Variants in EFEMP1 observed in about 807,000 individuals in gnomAD.
EFEMP1 encodes the protein EGF-containing fibulin-like extracellular matrix protein 1.
EFEMP1 carries 18 observed loss-of-function variants against 65.7 expected under a neutral mutation model. That is an observed-to-expected ratio of 0.27 (90% confidence interval 0.19 to 0.41). The LOEUF (loss-of-function observed/expected upper bound fraction) is 0.41. Ranked by LOEUF, EFEMP1 falls within the 10% of genes least tolerant of loss-of-function variation. The pLI is 1.00. For synonymous variants in EFEMP1, 237 were observed against 219.7 expected (o/e 1.08, Z -0.70); for missense variants, 469 against 624.8 (o/e 0.75, Z 2.66).
Position 55,873,401 on chromosome 2 carries a change from G to C in EFEMP1, c.1000+1545C>G, listed in dbSNP as rs533199719. Among the ~76,000 whole-genome samples the C allele has an allele frequency of 9.1e-4, 139 of 152,100 alleles. No individual in the cohort carries two copies. Among genetic ancestry groups the C allele is most frequent in the African/African-American group, 3.2e-3 (133 of 41,532 alleles). ...GCATTTTCCACCTTTAATTACAATA[G>C]ATATAAATGTTTCCACATAGATAGG... On this transcript the variant is annotated intron_variant, in intron 9 of 11. Coordinates refer to ENST00000355426, the MANE Select transcript of EFEMP1 (RefSeq NM_001039348.3). This position sits in a 1 kb window ranked among gnomAD's most constrained non-coding sequence, Gnocchi z 4.6.
chr2:55,918,294 C>A, intron 3 of EFEMP1, 27 bp from the exon 4 acceptor site: 1 of 1,613,886 alleles, frequency 6.2e-7, no homozygotes, highest in Non-Finnish European at 8.5e-7. Flanking sequence ...AAAGGTGGGG[C>A]CAGGAGACAG....
intron 5 of EFEMP1, among the ~76,000 whole-genome samples, chr2:55,882,127 T>C (rs937902717): frequency 2.6e-5 from 4 of 152,332 alleles, no homozygotes; most frequent in African/African-American, 9.6e-5. Flanking sequence ...TTAGAACATA[T>C]GGTATTGTTT....
At chr2:55,876,285 G>A (rs1669032901) in intron 8 of EFEMP1, among the ~76,000 whole-genome samples, 1 of 152,106 alleles carries the variant, frequency 6.6e-6, no homozygotes, top group East Asian at 1.9e-4. Flanking sequence ...GACTCAGGAG[G>A]TCTGGGTTGC....
intron 5 of EFEMP1, among the ~76,000 whole-genome samples, chr2:55,912,103 G>A (rs545682985): frequency 2.0e-5 from 3 of 151,938 alleles, no homozygotes; most frequent in Non-Finnish European, 2.9e-5. Context: ...AAACAATGAA[G>A]AACTGTAAGG....
chr2:55,877,726 C>T lies in EFEMP1; in HGVS notation c.760+20G>A, dbSNP rs1173002860. ...TTCCTTTTGTGAAGACAGAAATCAG[C>T]AAGTTCTCAAAAGGCTTACCTACGC... is the stretch of plus-strand genomic sequence containing the variant. On this transcript the variant is annotated intron_variant, in intron 7 of 11. Coordinates refer to ENST00000355426, the MANE Select transcript of EFEMP1 (RefSeq NM_001039348.3). The surrounding 1 kb of genome is among the most constrained non-coding windows in gnomAD (Gnocchi z 4.5). The T allele has an allele frequency of 6.2e-7, 1 of 1,612,520 alleles. No homozygotes were observed. The highest frequency in any genetic ancestry group is 2.2e-5 in the East Asian group (1 of 44,836).
chr2:55,903,854 C>T (rs935475837), intron 5 of EFEMP1, among the ~76,000 whole-genome samples: 26 of 152,062 alleles, frequency 1.7e-4, no homozygotes, highest in African/African-American at 5.8e-4. Flanking sequence ...TTATGAGATA[C>T]TTTAGGAGAA....
Position 55,917,641 on chromosome 2 carries a change from G to T in EFEMP1, c.517+24C>A, listed in dbSNP as rs920558446. ...TGCACTTGGGCAAAAGCTTTCAATG[G>T]TTAGGAAAATAAGTTATTCCTACCT... On this transcript the variant is annotated intron_variant, in intron 5 of 11. Coordinates refer to ENST00000355426, the MANE Select transcript of EFEMP1 (RefSeq NM_001039348.3). The surrounding 1 kb of genome is among the most constrained non-coding windows in gnomAD (Gnocchi z 6.3). The T allele has an allele frequency of 1.2e-5, 19 of 1,614,008 alleles. No individual in the cohort carries two copies. The highest frequency in any genetic ancestry group is 1.7e-4 in the Middle Eastern group (1 of 6,058).
At chr2:55,916,217 C>T (rs1202772510) in intron 5 of EFEMP1, among the ~76,000 whole-genome samples, 1 of 150,074 alleles carries the variant, frequency 6.7e-6, no homozygotes, top group Non-Finnish European at 1.5e-5. Flanking sequence ...TCAAGCAATT[C>T]TCCTGCTTCA....
intron 8 of EFEMP1, among the ~76,000 whole-genome samples, chr2:55,875,962 G>A (rs187846005): frequency 1.7e-4 from 26 of 152,094 alleles, no homozygotes; most frequent in African/African-American, 6.0e-4. Flanking sequence ...TGAGTGAACC[G>A]TGAGGAGGTC....
chr2:55,915,553 T>A (rs1186747335), intron 5 of EFEMP1, among the ~76,000 whole-genome samples: 1 of 152,322 alleles, frequency 6.6e-6, no homozygotes, highest in East Asian at 1.9e-4. Flanking sequence ...TTCTGGGCAT[T>A]GTTCTTGAAT....
At chr2:55,904,213 T>C (rs1004670435) in intron 5 of EFEMP1, among the ~76,000 whole-genome samples, 12 of 152,152 alleles carry the variant, frequency 7.9e-5, no homozygotes, top group African/African-American at 2.7e-4. Context: ...TCACTGAAAC[T>C]TGAGATTTGC....
intron 5 of EFEMP1, among the ~76,000 whole-genome samples, chr2:55,905,628 T>C (rs1572836019): frequency 1.3e-5 from 2 of 152,266 alleles, no homozygotes; most frequent in South Asian, 2.1e-4. Flanking sequence ...TTTGTATTTT[T>C]AGTAGAGACA....
At position 55,870,260 on chromosome 2, in the gene EFEMP1, C is replaced by G. The variant is rs1489006413; in HGVS notation, c.1320+460G>C. On this transcript the variant is annotated intron_variant, in intron 11 of 11. Transcript: ENST00000355426. The surrounding 1 kb of genome is among the most constrained non-coding windows in gnomAD (Gnocchi z 5.8). ...TGATGAATTCATGATGTCTGAAAAA[C>G]TCTTTAGGAGCTCCAGGAATTATTT... is the stretch of plus-strand genomic sequence containing the variant. 6.6e-6 allele frequency among the ~76,000 whole-genome samples: 1 copy of G among 150,662 alleles called. No homozygotes were observed. Among genetic ancestry groups the G allele is most frequent in the East Asian group, 2.0e-4 (1 of 5,120 alleles).
At chr2:55,920,590 G>C (rs1391390509) in intron 3 of EFEMP1, among the ~76,000 whole-genome samples, 1 of 152,206 alleles carries the variant, frequency 6.6e-6, no homozygotes, top group African/African-American at 2.4e-5. Flanking sequence ...CAGTTCACTT[G>C]AATAATTTGT....
In EFEMP1 at chr2:55,866,532, T is replaced by A. The variant is rs1424737500; in HGVS notation, c.*541A>T. ...AACCAGCATATTGTACAGCAATGAT[T>A]TATTACTATATAATAAACAACCACC... is the stretch of plus-strand genomic sequence containing the variant. On this transcript the variant is annotated 3_prime_UTR_variant, in exon 12 of 12. Coordinates refer to ENST00000355426, the MANE Select transcript of EFEMP1 (RefSeq NM_001039348.3). 5 of 153,234 alleles carry A rather than the reference T, an allele frequency of 3.3e-5. No homozygotes were observed. Among genetic ancestry groups the A allele is most frequent in the Non-Finnish European group, 5.8e-5 (4 of 68,468 alleles). The allele number at this position is 153,234 out of a possible 1,614,324, so 9.5% of individuals were successfully genotyped here. A position where few individuals can be genotyped will look rare whatever the true frequency, so the allele number is the denominator to read the frequency against.
intron 5 of EFEMP1, among the ~76,000 whole-genome samples, chr2:55,893,753 A>T (rs1036783344): frequency 1.3e-5 from 2 of 152,184 alleles, no homozygotes; most frequent in African/African-American, 4.8e-5. Context: ...AGAACACTGC[A>T]GGAAGTTGGG....
intron 5 of EFEMP1, among the ~76,000 whole-genome samples, chr2:55,900,099 T>A (rs1216602205): frequency 6.6e-6 from 1 of 152,188 alleles, no homozygotes; most frequent in African/African-American, 2.4e-5. Flanking sequence ...ACAAACTGGC[T>A]TGGAGCTGAG....
At chr2:55,902,287 A>C (rs1431098140) in intron 5 of EFEMP1, among the ~76,000 whole-genome samples, 1 of 152,234 alleles carries the variant, frequency 6.6e-6, no homozygotes, top group Non-Finnish European at 1.5e-5. Flanking sequence ...GCATGGTTTG[A>C]GTTGGAGGCT....
chr2:55,871,137 G>A lies in EFEMP1; in HGVS notation c.1001-14C>T, dbSNP rs45535043. 0.058 allele frequency: 94,134 copies of A among 1,612,978 alleles called. 3,097 individuals are homozygous for A. The highest frequency in any genetic ancestry group is 0.082 in the Middle Eastern group (498 of 6,056). On this transcript the variant is annotated splice_polypyrimidine_tract_variant and intron_variant, in intron 9 of 11. Coordinates refer to ENST00000355426, the MANE Select transcript of EFEMP1 (RefSeq NM_001039348.3). The surrounding 1 kb of genome is among the most constrained non-coding windows in gnomAD (Gnocchi z 4.2). ...ACTCATTTATATCTGTAGAGATGTA[G>A]GGTCAAAGAGTTTACTAACTAAACT...
Sources: allele counts gnomAD v4.1 joint callset (sites outside exome capture counted in the v4.1 genomes callset), GRCh38; gene constraint gnomAD v4.1.1; non-coding constraint Gnocchi (gnomAD v3.1); transcripts MANE v1.5; gene names NCBI Gene and HGNC (gene_info 2026-07-23, HGNC 2026-07-21).